Variants in DLC1 observed in about 807,000 individuals in gnomAD.
The protein encoded by DLC1 is DLC1 Rho GTPase activating protein.
Under a neutral mutation model 140.3 loss-of-function variants are expected in DLC1, and 54 were observed. The observed-to-expected ratio is 0.38, with a 90% confidence interval of 0.31 to 0.48. DLC1 has a LOEUF of 0.48. Ranked by LOEUF, DLC1 falls within the 20% of genes least tolerant of loss-of-function variation. The pLI is 0.96. For missense variants in DLC1, 2,536 were observed against 1,907.0 expected (o/e 1.33, Z -6.14); for synonymous variants, 986 against 728.1 (o/e 1.35, Z -5.70).
At chr8:13,412,130 C>G (rs1455453329) in intron 2 of DLC1, among the ~76,000 whole-genome samples, 1 of 152,018 alleles carries the variant, frequency 6.6e-6, no homozygotes, top group Non-Finnish European at 1.5e-5. Context: ...AAAAGACAAC[C>G]TAATAAAATT....
At chr8:13,474,552 G>A (rs550271777) in intron 2 of DLC1, among the ~76,000 whole-genome samples, 12 of 152,130 alleles carry the variant, frequency 7.9e-5, no homozygotes, top group Non-Finnish European at 1.2e-4. Context: ...AACTTGCATC[G>A]TGTGCCTGGA....
At chr8:13,407,816 T>G (rs957482335) in intron 2 of DLC1, among the ~76,000 whole-genome samples, 1 of 152,204 alleles carries the variant, frequency 6.6e-6, no homozygotes, top group African/African-American at 2.4e-5. Flanking sequence ...GAAAGGGACC[T>G]TTTAGCAAAA....
At chr8:13,314,304 T>C in intron 4 of DLC1, among the ~76,000 whole-genome samples, 1 of 148,332 alleles carries the variant, frequency 6.7e-6, no homozygotes, top group Non-Finnish European at 1.5e-5. Context: ...AATATGTATA[T>C]ATATAATATA....
intron 2 of DLC1, among the ~76,000 whole-genome samples, chr8:13,445,048 A>T (rs1353520772): frequency 6.6e-6 from 1 of 151,976 alleles, no homozygotes; most frequent in South Asian, 2.1e-4. Context: ...AGGGAAGGAG[A>T]GAGGGAAGCA....
rs141272973 is a variant in DLC1, at chr8:13,100,078, G to A, written c.2259C>T (p.Val753=). Residue 753 remains valine (V), a synonymous_variant, in exon 9 of 18, where the codon GTC becomes GTT. Transcript: ENST00000276297. Reference sequence around the variant, plus strand: ...TCCTCGTAACAGGGCTGGGCGTGCTGACCGCGCTGCTGGTCTCCGACTGGC... The same window carrying A: ...TCCTCGTAACAGGGCTGGGCGTGCTAACCGCGCTGCTGGTCTCCGACTGGC... ...SSSQSETSSA[V]STPSPVTRTR... 6 of 1,613,464 alleles carry A rather than the reference G, an allele frequency of 3.7e-6. No individual in the cohort carries two copies. In the East Asian group the frequency reaches 1.3e-4, roughly 36 times the overall value.
At chr8:13,388,297 A>G (rs1453065967) in intron 4 of DLC1, among the ~76,000 whole-genome samples, 1 of 152,072 alleles carries the variant, frequency 6.6e-6, no homozygotes, top group South Asian at 2.1e-4. Context: ...GAACAAGTTG[A>G]TTATTGTTTG....
At chr8:13,345,414 C>G (rs1834282677) in intron 4 of DLC1, among the ~76,000 whole-genome samples, 1 of 151,950 alleles carries the variant, frequency 6.6e-6, no homozygotes, top group African/African-American at 2.4e-5. Context: ...TAAAGGTTAC[C>G]TGGGAGTGGC....
chr8:13,291,905 G>A (rs1385889620), intron 5 of DLC1, among the ~76,000 whole-genome samples: 1 of 151,900 alleles, frequency 6.6e-6, no homozygotes, highest in African/African-American at 2.4e-5. Context: ...TCCAGATGTG[G>A]AATTCTTTCT....
intron 5 of DLC1, among the ~76,000 whole-genome samples, chr8:13,283,023 A>C (rs948692464): frequency 6.6e-6 from 1 of 152,166 alleles, no homozygotes; most frequent in African/African-American, 2.4e-5. Flanking sequence ...ACATACCTAC[A>C]CTAATAATAA....
intron 5 of DLC1, among the ~76,000 whole-genome samples, chr8:13,289,325 G>A (rs1831665836): frequency 6.6e-6 from 1 of 152,118 alleles, no homozygotes; most frequent in South Asian, 2.1e-4. Flanking sequence ...AGAGTAGCTA[G>A]GACTACAGGG....
intron 2 of DLC1, among the ~76,000 whole-genome samples, chr8:13,494,806 C>T (rs1371702342): frequency 6.6e-6 from 1 of 151,964 alleles, no homozygotes; most frequent in Non-Finnish European, 1.5e-5. Flanking sequence ...TAAAAATTAG[C>T]CAGATGTGAG....
intron 15 of DLC1, 33 bp downstream of exon 15, chr8:13,090,219 A>T (rs377639715): frequency 7.8e-5 from 125 of 1,596,500 alleles, no homozygotes; most frequent in Admixed American, 1.7e-5. Context: ...CGACTCCTGG[A>T]CTCAACTAGC....
chr8:13,144,411 G>T (rs1330389142), intron 5 of DLC1, among the ~76,000 whole-genome samples: 1 of 152,124 alleles, frequency 6.6e-6, no homozygotes, highest in Non-Finnish European at 1.5e-5. Context: ...TCTCCACCTT[G>T]CGGATGGTGT....
chr8:13,552,472 T>C (rs1205513833), intron 1 of DLC1, among the ~76,000 whole-genome samples: 1 of 151,002 alleles, frequency 6.6e-6, no homozygotes, highest in African/African-American at 2.4e-5. Flanking sequence ...AATAAAAAAC[T>C]AGAAATTCTA....
chr8:13,203,542 G>A (rs78131616), intron 5 of DLC1, among the ~76,000 whole-genome samples: 12,469 of 152,168 alleles, frequency 0.082, 695 homozygotes, highest in South Asian at 0.16. Context: ...GAGATTGTGC[G>A]CAATCCTGTC....
chr8:13,218,444 A>G (rs1472750328), intron 5 of DLC1, among the ~76,000 whole-genome samples: 1 of 152,136 alleles, frequency 6.6e-6, no homozygotes, highest in Non-Finnish European at 1.5e-5. Flanking sequence ...TAAAGAGACA[A>G]CCCAAATAAT....
intron 12 of DLC1, among the ~76,000 whole-genome samples, chr8:13,093,386 A>C (rs1267848048): frequency 6.6e-6 from 1 of 152,150 alleles, no homozygotes; most frequent in Non-Finnish European, 1.5e-5. Flanking sequence ...CTGAACTGAA[A>C]ATATTCAGTT....
At chr8:13,588,171 A>G (rs1021898092) in intron 1 of DLC1, among the ~76,000 whole-genome samples, 4 of 152,124 alleles carry the variant, frequency 2.6e-5, no homozygotes, top group Non-Finnish European at 4.4e-5. Context: ...GCCCGAAATT[A>G]CATAATGGCA....
upstream of DLC1, among the ~76,000 whole-genome samples, chr8:13,517,821 G>A (rs1802638754): frequency 6.6e-6 from 1 of 152,172 alleles, no homozygotes; most frequent in Admixed American, 6.5e-5. Flanking sequence ...ACCTAACCGG[G>A]GTGAGGATGT....
Sources: gnomAD v4.1 joint callset for allele counts (sites outside exome capture counted in the v4.1 genomes callset) on GRCh38, gnomAD v4.1.1 for gene constraint, MANE v1.5 for transcripts, NCBI Gene and HGNC (gene_info 2026-07-23, HGNC 2026-07-21) for gene names.